SUGCT: variants seen among roughly 807,000 people sequenced by gnomAD.
The protein encoded by SUGCT is succinyl-CoA:glutarate CoA-transferase.
Under a neutral mutation model 55.0 loss-of-function variants are expected in SUGCT, and 41 were observed. The observed-to-expected ratio is 0.74, with a 90% confidence interval of 0.58 to 0.97. The LOEUF (loss-of-function observed/expected upper bound fraction) is 0.97. Among genes scored for constraint, SUGCT ranks in the 50% least tolerant of loss-of-function variants. SUGCT has a pLI of 0.00. For missense variants in SUGCT, 568 were observed against 547.8 expected (o/e 1.04, Z -0.37); for synonymous variants, 187 against 200.4 (o/e 0.93, Z 0.56).
intron 9 of SUGCT, among the ~76,000 whole-genome samples, chr7:40,392,273 T>TA (rs1244296354): frequency 6.6e-6 from 1 of 152,148 alleles, no homozygotes; most frequent in African/African-American, 2.4e-5. Context: ...CCCTAGAACT[T>TA]AAAGTATAAT....
the SUGCT span, among the ~76,000 whole-genome samples, chr7:40,931,460 T>C: frequency 1.3e-5 from 2 of 152,218 alleles, no homozygotes; most frequent in South Asian, 2.1e-4. Context: ...AAGGATTCCC[T>C]CTTTTTCTAT....
At chr7:40,407,316 A>G (rs375852513) in intron 9 of SUGCT, among the ~76,000 whole-genome samples, 4 of 152,130 alleles carry the variant, frequency 2.6e-5, no homozygotes, top group South Asian at 2.1e-4. Flanking sequence ...AATGGCTTTT[A>G]GTATTTAAGC....
chr7:40,798,664 T>G (rs1370992690), intron 13 of SUGCT, among the ~76,000 whole-genome samples: 1 of 152,214 alleles, frequency 6.6e-6, no homozygotes, highest in Non-Finnish European at 1.5e-5. Context: ...ATACCACCAC[T>G]TATTTTGTCT....
chr7:40,858,389 G>A (rs1422344754), intron 13 of SUGCT, among the ~76,000 whole-genome samples: 12 of 69,406 alleles, frequency 1.7e-4, no homozygotes, highest in African/African-American at 6.1e-4. Context: ...GGCAACAAGA[G>A]CAAAATTCCA....
chr7:41,003,068 G>A, the SUGCT span, among the ~76,000 whole-genome samples: 1 of 152,220 alleles, frequency 6.6e-6, no homozygotes, highest in East Asian at 1.9e-4. Context: ...TTTTTATAAA[G>A]TTTAAGAAAG....
intron 12 of SUGCT, among the ~76,000 whole-genome samples, chr7:40,585,918 C>G (rs1797352410): frequency 6.6e-6 from 1 of 152,106 alleles, no homozygotes; most frequent in Non-Finnish European, 1.5e-5. Flanking sequence ...TGGGCTCAAG[C>G]AATCCATCTG....
chr7:40,217,469 C>T, intron 6 of SUGCT: 1 of 444,460 alleles, frequency 2.2e-6, no homozygotes, highest in Non-Finnish European at 4.5e-6. Context: ...GCTCTGGTCT[C>T]CCAAAGTGCT....
intron 10 of SUGCT, among the ~76,000 whole-genome samples, chr7:40,451,822 G>A (rs936196502): frequency 2.6e-5 from 4 of 152,130 alleles, no homozygotes; most frequent in African/African-American, 7.2e-5. Flanking sequence ...TATGTGTAGC[G>A]TGTGGATGTC....
At chr7:40,396,752 G>A (rs182394228) in intron 9 of SUGCT, among the ~76,000 whole-genome samples, 1 of 152,296 alleles carries the variant, frequency 6.6e-6, no homozygotes, top group East Asian at 1.9e-4. Flanking sequence ...CTGTTGAAGA[G>A]AGTATTAAGC....
chr7:40,402,640 T>C (rs922192070), intron 9 of SUGCT, among the ~76,000 whole-genome samples: 1 of 152,162 alleles, frequency 6.6e-6, no homozygotes, highest in East Asian at 1.9e-4. Flanking sequence ...CTAGGTTTTC[T>C]CTTTTTGGCT....
intron 7 of SUGCT, among the ~76,000 whole-genome samples, chr7:40,265,891 C>G (rs573175200): frequency 3.4e-4 from 52 of 152,192 alleles, no homozygotes; most frequent in African/African-American, 1.2e-3. Context: ...GCGGAGGCTA[C>G]AGTGAGCTGA....
chr7:40,180,295 T>C (rs1785123512), intron 1 of SUGCT, among the ~76,000 whole-genome samples: 1 of 151,734 alleles, frequency 6.6e-6, no homozygotes, highest in Non-Finnish European at 1.5e-5. Flanking sequence ...TTTTTTGTAT[T>C]GTTAGTAGAG....
At chr7:40,205,616 G>A (rs1293007737) in intron 6 of SUGCT, among the ~76,000 whole-genome samples, 1 of 142,620 alleles carries the variant, frequency 7.0e-6, no homozygotes, top group Non-Finnish European at 1.5e-5. Flanking sequence ...ACTCCAGCCT[G>A]GGTGACAGAG....
At chr7:40,279,904 C>T (rs1320755886) in intron 8 of SUGCT, among the ~76,000 whole-genome samples, 1 of 151,980 alleles carries the variant, frequency 6.6e-6, no homozygotes, top group Admixed American at 6.6e-5. Flanking sequence ...AAGTAGGTAA[C>T]ATTTGAATTT....
intron 12 of SUGCT, among the ~76,000 whole-genome samples, chr7:40,676,935 G>C (rs1784020515): frequency 7.0e-6 from 1 of 141,862 alleles, no homozygotes; most frequent in African/African-American, 2.6e-5. Flanking sequence ...GTGTGTGTGT[G>C]GTGTATAAAG....
At chr7:40,148,974 GTTC>G (rs1201111196) in intron 1 of SUGCT, among the ~76,000 whole-genome samples, 1 of 152,106 alleles carries the variant, frequency 6.6e-6, no homozygotes, top group Non-Finnish European at 1.5e-5. Flanking sequence ...AAAAACAGTT[GTTC>G]TTCTTTGGTG....
At chr7:40,210,752 G>A (rs1787291445) in intron 6 of SUGCT, among the ~76,000 whole-genome samples, 2 of 152,002 alleles carry the variant, frequency 1.3e-5, no homozygotes, top group African/African-American at 2.4e-5. Context: ...AACTAATTCC[G>A]TTTGGCTAAT....
chr7:40,941,335 A>C, the SUGCT span, among the ~76,000 whole-genome samples: 1 of 152,024 alleles, frequency 6.6e-6, no homozygotes, highest in Non-Finnish European at 1.5e-5. Flanking sequence ...TGTCAACCCC[A>C]AAATCACTCA....
the SUGCT span, among the ~76,000 whole-genome samples, chr7:40,885,569 A>T: frequency 1.3e-5 from 2 of 152,010 alleles, no homozygotes; most frequent in Non-Finnish European, 2.9e-5. Context: ...CTGACGTTAA[A>T]TTCAACCTCA....
Sources: gnomAD v4.1 joint callset for allele counts (sites outside exome capture counted in the v4.1 genomes callset) on GRCh38, gnomAD v4.1.1 for gene constraint, MANE v1.5 for transcripts, NCBI Gene and HGNC (gene_info 2026-07-23, HGNC 2026-07-21) for gene names.